The following SIPA1L2 variants were observed in gnomAD, a reference collection of about 807,000 sequenced individuals.
SIPA1L2 encodes the protein signal induced proliferation associated 1 like 2.
A neutral mutation model predicts 163.9 loss-of-function variants in SIPA1L2; 56 were observed. The ratio of observed to expected loss-of-function variants is 0.34; its 90% CI spans 0.28 to 0.43. The LOEUF is 0.43. SIPA1L2 is among the 20% of genes least tolerant of loss of function. SIPA1L2 has a pLI of 1.00. For missense variants in SIPA1L2, 1,974 were observed against 2,193.5 expected (o/e 0.90, Z 2.00); for synonymous variants, 877 against 865.7 (o/e 1.01, Z -0.23).
At chr1:232,420,652 G>A (rs945965608) in intron 18 of SIPA1L2, among the ~76,000 whole-genome samples, 3 of 152,052 alleles carry the variant, frequency 2.0e-5, no homozygotes, top group Non-Finnish European at 4.4e-5. Flanking sequence ...TGGCTAACAC[G>A]GTGAAACCCC....
At chr1:232,566,286 AT>A (rs1450037152) in intron 2 of SIPA1L2, among the ~76,000 whole-genome samples, 2 of 152,366 alleles carry the variant, frequency 1.3e-5, no homozygotes, top group African/African-American at 4.8e-5. Context: ...TCATTAAAGA[AT>A]CAAAACCTTA....
chr1:232,407,172 C>T (rs1278583281), intron 19 of SIPA1L2, among the ~76,000 whole-genome samples: 1 of 152,180 alleles, frequency 6.6e-6, no homozygotes, highest in Non-Finnish European at 1.5e-5. Context: ...ATTGCATTGG[C>T]CTGAAACCAT....
intron 8 of SIPA1L2, among the ~76,000 whole-genome samples, chr1:232,470,829 C>G (rs186570177): frequency 6.6e-6 from 1 of 152,140 alleles, no homozygotes; most frequent in East Asian, 1.9e-4. Context: ...ACCAATACCC[C>G]ACATGATATG....
At chr1:232,625,473 A>G (rs1478712673) in intron 1 of SIPA1L2, among the ~76,000 whole-genome samples, 1 of 152,248 alleles carries the variant, frequency 6.6e-6, no homozygotes, top group African/African-American at 2.4e-5. Flanking sequence ...CAATGACATC[A>G]GCGCAAGATG....
chr1:232,540,431 C>G (rs1050574242), intron 2 of SIPA1L2, among the ~76,000 whole-genome samples: 6 of 152,200 alleles, frequency 3.9e-5, no homozygotes, highest in Non-Finnish European at 7.3e-5. Context: ...ATGACAGCCT[C>G]TTTGCAAACC....
chr1:232,404,257 G>A (rs544796066), intron 19 of SIPA1L2, 79 bp from the exon 20 acceptor site: 1 of 1,298,700 alleles, frequency 7.7e-7, no homozygotes, highest in African/African-American at 1.5e-5. Flanking sequence ...ACAAAATGCG[G>A]CTGTGTGAAG....
intron 2 of SIPA1L2, among the ~76,000 whole-genome samples, chr1:232,519,572 G>C (rs946901992): frequency 6.6e-6 from 1 of 152,150 alleles, no homozygotes; most frequent in Non-Finnish European, 1.5e-5. Flanking sequence ...GAGCAGCTGT[G>C]AATCACACCT....
Position 232,399,153 on chromosome 1 carries a change from A to G in SIPA1L2, c.5143T>C (p.Phe1715Leu), listed in dbSNP as rs1660183590. 1.9e-6 allele frequency: 3 copies of G among 1,613,946 alleles called. No homozygotes were observed. Among genetic ancestry groups the G allele is most frequent in the East Asian group, 2.2e-5 (1 of 44,868 alleles). The change falls in exon 23 of 23, where the codon TTC becomes CTC. Residue 1715 changes from phenylalanine to leucine, a missense_variant. By Grantham distance (22) the Phe-to-Leu change is conservative (BLOSUM62 0). Coordinates refer to ENST00000674635, the MANE Select transcript of SIPA1L2 (RefSeq NM_020808.5). ...TAAGATTTTTTGTCGATGGTGGTGA[A>G]AAACCATTCTGTGAATTTCCGCAGC... is the stretch of plus-strand genomic sequence containing the variant. ...AQLRKFTEWFFTTIDKKS is the reference protein window; with the variant it reads ...AQLRKFTEWFLTTIDKKS
At chr1:232,410,449 T>C (rs1660882755) in intron 19 of SIPA1L2, among the ~76,000 whole-genome samples, 1 of 152,082 alleles carries the variant, frequency 6.6e-6, no homozygotes, top group Non-Finnish European at 1.5e-5. Flanking sequence ...CATACTAATA[T>C]TAAAGACTGA....
At chr1:232,456,487 T>C (rs1314205594) in intron 10 of SIPA1L2, among the ~76,000 whole-genome samples, 1 of 152,160 alleles carries the variant, frequency 6.6e-6, no homozygotes, top group Non-Finnish European at 1.5e-5. Flanking sequence ...GTCAACAAAG[T>C]ATGAAAAAAA....
chr1:232,479,598 T>A, intron 7 of SIPA1L2, 29 bp downstream of exon 7: 1 of 1,582,838 alleles, frequency 6.3e-7, no homozygotes, highest in Non-Finnish European at 8.7e-7. Context: ...ATACTCAGCG[T>A]AAAAAGCTCC....
At position 232,563,957 on chromosome 1, in the gene SIPA1L2, G is replaced by T. The variant is rs1201146312; in HGVS notation, c.-270+10217C>A. ...CGACAAAGGTTTGTTTTTTTTTTTC[G>T]TGTGTGTGTGTGTGTGTGTGTGTGT... On this transcript the variant is annotated intron_variant, in intron 2 of 22. Coordinates refer to ENST00000674635, the MANE Select transcript of SIPA1L2 (RefSeq NM_020808.5). Among the ~76,000 whole-genome samples, 130 of 24,652 alleles carry T rather than the reference G, an allele frequency of 5.3e-3. 4 individuals carry two copies. Among genetic ancestry groups the T allele is most frequent in the African/African-American group, 0.034 (115 of 3,398 alleles). 16.2% of individuals were successfully genotyped at this position (24,652 alleles called of 152,430 possible).
At chr1:232,483,258 T>G (rs1029434488) in intron 6 of SIPA1L2, among the ~76,000 whole-genome samples, 7 of 151,956 alleles carry the variant, frequency 4.6e-5, no homozygotes, top group Non-Finnish European at 7.4e-5. Context: ...GCTTTTTTTT[T>G]TTTTTAATTT....
At chr1:232,496,031 G>A (rs1035655729) in intron 3 of SIPA1L2, among the ~76,000 whole-genome samples, 14 of 152,106 alleles carry the variant, frequency 9.2e-5, no homozygotes, top group African/African-American at 2.9e-4. Flanking sequence ...TTTTATAAAC[G>A]TAGTGTTGCC....
intron 2 of SIPA1L2, among the ~76,000 whole-genome samples, chr1:232,534,458 C>G (rs939932286): frequency 6.6e-6 from 1 of 152,206 alleles, no homozygotes; most frequent in South Asian, 2.1e-4. Context: ...ACTGGAAGAA[C>G]GCTTCACCAT....
In SIPA1L2 at chr1:232,398,518, A is replaced by C. The variant is rs1660150578; in HGVS notation, c.*609T>G. The C allele has an allele frequency of 6.6e-6, 1 of 152,018 alleles. No individual in the cohort carries two copies. Among genetic ancestry groups the C allele is most frequent in the Non-Finnish European group, 1.5e-5 (1 of 67,974 alleles). 9.4% of individuals were successfully genotyped at this position (152,018 alleles called of 1,614,324 possible). ...TGTTCCTGCAAATAAATAAGTCTCT[A>C]AGGTAACTGCATCTGAACTAGTGTT... On this transcript the variant is annotated 3_prime_UTR_variant, in exon 23 of 23. Transcript: ENST00000674635.
intron 2 of SIPA1L2, among the ~76,000 whole-genome samples, chr1:232,572,694 C>CATATATAT (rs61685621): frequency 9.9e-6 from 1 of 101,192 alleles, no homozygotes. Context: ...CATATACATA[C>CATATATAT]ATATATATAT....
At position 232,420,216 on chromosome 1, in the gene SIPA1L2, G is replaced by A. The variant is rs146684064; in HGVS notation, c.4631-4591C>T. ...TACATTCCTGTAATCCCAGTTACTC[G>A]GGAGGCTGAGGCAGGAGAATTGCTT... On this transcript the variant is annotated intron_variant, in intron 18 of 22. Transcript: ENST00000674635. Among the ~76,000 whole-genome samples, 324 of 152,142 alleles carry A rather than the reference G, an allele frequency of 2.1e-3. 1 individual carries two copies. Among genetic ancestry groups the A allele is most frequent in the African/African-American group, 7.5e-3 (313 of 41,510 alleles).
At position 232,491,000 on chromosome 1, in the gene SIPA1L2, G is replaced by T. The variant is rs780947019; in HGVS notation, c.1680C>A (p.Thr560=). The T allele has an allele frequency of 1.8e-5, 29 of 1,614,074 alleles. No homozygotes were observed. Among genetic ancestry groups the T allele is most frequent in the South Asian group, 4.4e-5 (4 of 91,070 alleles). ...CTTCTTTGAGAGGTAGTCCTCGTGC[G>T]GTACCATGCCTAGCAGTAGAGGGTA... The part of the protein sequence containing the change: ...DAIPSTARHG[T]ARGLPLKEVL... The change falls in exon 5 of 23, where the codon ACC becomes ACA. Residue 560 remains threonine (T), a synonymous_variant. Coordinates refer to ENST00000674635, the MANE Select transcript of SIPA1L2 (RefSeq NM_020808.5).
Sources: allele counts gnomAD v4.1 joint callset (sites outside exome capture counted in the v4.1 genomes callset), GRCh38; gene constraint gnomAD v4.1.1; transcripts MANE v1.5; gene names NCBI Gene and HGNC (gene_info 2026-07-23, HGNC 2026-07-21).